KHDRBS2: variants seen among roughly 807,000 people sequenced by gnomAD.
The protein encoded by KHDRBS2 is KH domain-containing, RNA-binding, signal transduction-associated protein 2.
In KHDRBS2, 26 loss-of-function variants were observed where a neutral mutation model predicts 44.3. That is an observed-to-expected ratio of 0.59 (90% CI 0.43 to 0.81). The LOEUF is 0.81. Among genes scored for constraint, KHDRBS2 ranks in the 40% least tolerant of loss-of-function variants. The pLI is 0.00. For missense variants in KHDRBS2, 476 were observed against 433.1 expected, an observed-to-expected ratio of 1.10 and a Z score of -0.88; for synonymous variants, 194 against 151.1, an observed-to-expected ratio of 1.28 and a Z score of -2.08.
intron 6 of KHDRBS2, among the ~76,000 whole-genome samples, chr6:61,870,944 T>C (rs1798569698): frequency 6.6e-6 from 1 of 152,290 alleles, no homozygotes; most frequent in East Asian, 1.9e-4. Flanking sequence ...CCAGAATGCC[T>C]CTTCTCCTCC....
At chr6:61,637,035 T>A in the KHDRBS2 span, among the ~76,000 whole-genome samples, 1 of 152,076 alleles carries the variant, frequency 6.6e-6, no homozygotes, top group African/African-American at 2.4e-5. Flanking sequence ...TTTCTTTTTT[T>A]ATTTATTATT....
chr6:62,178,343 T>C (rs889238299), intron 1 of KHDRBS2, among the ~76,000 whole-genome samples: 1 of 151,474 alleles, frequency 6.6e-6, no homozygotes, highest in Non-Finnish European at 1.5e-5. Context: ...GAATAGTGAA[T>C]GTGGAAAAAA....
chr6:61,879,314 T>G (rs938754359), intron 6 of KHDRBS2, among the ~76,000 whole-genome samples: 1 of 151,944 alleles, frequency 6.6e-6, no homozygotes, highest in African/African-American at 2.4e-5. Flanking sequence ...TGGAGTTCAC[T>G]CTCACAAATT....
chr6:61,725,020 A>G (rs9342105), intron 7 of KHDRBS2, among the ~76,000 whole-genome samples: 121,099 of 152,142 alleles, frequency 0.8, 48,675 homozygotes, highest in African/African-American at 0.9. Context: ...TCTTCTCATC[A>G]TGACATGGCA....
At chr6:61,632,691 A>G in the KHDRBS2 span, among the ~76,000 whole-genome samples, 1 of 152,090 alleles carries the variant, frequency 6.6e-6, no homozygotes, top group Non-Finnish European at 1.5e-5. Flanking sequence ...GTTAATTTTC[A>G]TTGCTCTGTT....
chr6:62,185,666 T>A (rs78552769), intron 1 of KHDRBS2, among the ~76,000 whole-genome samples: 4,518 of 152,086 alleles, frequency 0.03, 171 homozygotes, highest in African/African-American at 0.098. Context: ...TTTTCAATGA[T>A]AATTAATCAT....
In KHDRBS2 at chr6:61,954,906, G is replaced by C. The variant is rs1384698345; in HGVS notation, c.483+23160C>G. Among the ~76,000 whole-genome samples, 11 of 100,268 alleles carry C rather than the reference G, an allele frequency of 1.1e-4. 2 individuals are homozygous for C. The highest frequency in any genetic ancestry group is 1.7e-4 in the Non-Finnish European group (8 of 45,964). 65.8% of individuals were successfully genotyped at this position (100,268 alleles called of 152,430 possible). A position where few individuals can be genotyped will look rare whatever the true frequency, so the allele number is the denominator to read the frequency against. On this transcript the variant is annotated intron_variant, in intron 4 of 8. Transcript: ENST00000281156. ...TATGTATATATACACATACATATGT[G>C]TGCATACATATATATGTATACACAT...
At chr6:61,672,321 T>C in the KHDRBS2 span, among the ~76,000 whole-genome samples, 5 of 152,168 alleles carry the variant, frequency 3.3e-5, no homozygotes, top group African/African-American at 1.2e-4. Context: ...TGCATGTGTC[T>C]TTATAGCAGC....
At chr6:62,087,798 G>A (rs2127360563) in intron 2 of KHDRBS2, among the ~76,000 whole-genome samples, 1 of 152,216 alleles carries the variant, frequency 6.6e-6, no homozygotes, top group Middle Eastern at 3.4e-3. Flanking sequence ...TTCCAACTTG[G>A]TTCCATTCTC....
chr6:61,955,044 G>T (rs1223946090), intron 4 of KHDRBS2, among the ~76,000 whole-genome samples: 4 of 143,044 alleles, frequency 2.8e-5, no homozygotes, highest in African/African-American at 7.6e-5. Context: ...ATACATGTAT[G>T]TATACATATA....
chr6:61,940,242 CAA>C (rs3076276), intron 4 of KHDRBS2, among the ~76,000 whole-genome samples: 58,733 of 146,248 alleles, frequency 0.4, 11,502 homozygotes, highest in East Asian at 0.48. Context: ...AATAAAAGTT[CAA>C]AAAAAAAAAA....
intron 2 of KHDRBS2, among the ~76,000 whole-genome samples, chr6:62,101,233 T>C (rs1279990191): frequency 6.6e-6 from 1 of 151,978 alleles, no homozygotes; most frequent in African/African-American, 2.4e-5. Flanking sequence ...TCTTTTTTTT[T>C]CCTACCTAGA....
the KHDRBS2 span, chr6:61,630,591 T>G: frequency 6.6e-6 from 1 of 152,204 alleles, no homozygotes; most frequent in Non-Finnish European, 1.5e-5. Context: ...AATGGTGAGT[T>G]GTATGCTTAC....
the KHDRBS2 span, among the ~76,000 whole-genome samples, chr6:61,589,920 T>G: frequency 6.6e-6 from 1 of 152,154 alleles, no homozygotes; most frequent in Non-Finnish European, 1.5e-5. Context: ...TTATGATATA[T>G]TTTCAAATTC....
chr6:61,736,212 T>TCACA (rs376298733), intron 6 of KHDRBS2, among the ~76,000 whole-genome samples: 25,243 of 135,386 alleles, frequency 0.19, 2,395 homozygotes, highest in South Asian at 0.24. Flanking sequence ...TTACTTTACT[T>TCACA]CACACACACA....
the KHDRBS2 span, among the ~76,000 whole-genome samples, chr6:61,639,998 AAACT>A: frequency 3.3e-4 from 50 of 152,230 alleles, no homozygotes; most frequent in Non-Finnish European, 1.5e-4. Flanking sequence ...TGATTTGAAC[AAACT>A]AACTGTAAAT....
intron 6 of KHDRBS2, among the ~76,000 whole-genome samples, chr6:61,739,267 T>A (rs2127563237): frequency 6.6e-6 from 1 of 151,964 alleles, no homozygotes; most frequent in African/African-American, 2.4e-5. Flanking sequence ...ATGATGTCAA[T>A]GTTATTGATA....
the KHDRBS2 span, among the ~76,000 whole-genome samples, chr6:61,667,017 A>G: frequency 1.3e-5 from 2 of 149,358 alleles, no homozygotes; most frequent in Admixed American, 1.3e-4. Context: ...TCTCAAAAGA[A>G]GGATTCTTGG....
chr6:61,560,340 C>A, the KHDRBS2 span, among the ~76,000 whole-genome samples: 1 of 152,086 alleles, frequency 6.6e-6, no homozygotes, highest in Non-Finnish European at 1.5e-5. Flanking sequence ...TACTGGAATA[C>A]TGATAACTTC....
Sources: allele counts gnomAD v4.1 joint callset (sites outside exome capture counted in the v4.1 genomes callset), GRCh38; gene constraint gnomAD v4.1.1; transcripts MANE v1.5; gene names NCBI Gene and HGNC (gene_info 2026-07-23, HGNC 2026-07-21).